Variants in RBM20 observed in about 807,000 individuals in gnomAD.
RBM20 encodes RNA binding motif protein 20, also known as RNA-binding protein 20.
Under a neutral mutation model 110.1 loss-of-function variants are expected in RBM20, and 51 were observed. That is an observed-to-expected ratio of 0.46 (90% confidence interval 0.37 to 0.59). RBM20 has a LOEUF of 0.59. Ranked by LOEUF, RBM20 falls within the 20% of genes least tolerant of loss-of-function variation. The pLI, the probability that RBM20 is intolerant of heterozygous loss-of-function variation, is 0.00. For synonymous variants in RBM20, 589 were observed against 618.2 expected (o/e 0.95, Z 0.70); for missense variants, 1,512 against 1,574.9 (o/e 0.96, Z 0.68).
At chr10:110,750,288 G>A (rs61864290) in intron 1 of RBM20, among the ~76,000 whole-genome samples, 19,580 of 152,214 alleles carry the variant, frequency 0.13, 1,307 homozygotes, top group Non-Finnish European at 0.14. Context: ...TGTATAGGGG[G>A]AAATTGCCAA....
chr10:110,700,966 G>A (rs1862748667), intron 1 of RBM20, among the ~76,000 whole-genome samples: 1 of 152,162 alleles, frequency 6.6e-6, no homozygotes, highest in African/African-American at 2.4e-5. Context: ...AGTGAGCCGA[G>A]TTCATGCCAC....
intron 1 of RBM20, among the ~76,000 whole-genome samples, chr10:110,688,126 A>T (rs921086765): frequency 3.3e-5 from 5 of 152,168 alleles, no homozygotes; most frequent in South Asian, 2.1e-4. Context: ...TAAAAATCAA[A>T]TATTATTCAT....
intron 9 of RBM20, 140 bp from the exon 10 acceptor site, chr10:110,819,932 A>G (rs1405248802): frequency 5.6e-6 from 3 of 534,156 alleles, no homozygotes; most frequent in African/African-American, 1.9e-5. Flanking sequence ...GCTGCCTCCA[A>G]GGGATTCTGG....
At position 110,797,519 on chromosome 10, in the gene RBM20, G is replaced by T; in HGVS notation, c.1539G>T (p.Arg513=). Residue 513 remains arginine, a synonymous_variant, in exon 6 of 14, where the codon CGG becomes CGT. Coordinates refer to ENST00000369519, the MANE Select transcript of RBM20 (RefSeq NM_001134363.3). ...LASVGTTFAQ[R]KGAGRVVHIC... ...TTTGTTCCCATTAGTTTGCACAGCG[G>T]AAAGGGGCTGGCCGTGTGGTGCACA... 6.4e-7 allele frequency: 1 copy of T among 1,551,222 alleles called. No homozygotes were observed. Among genetic ancestry groups the T allele is most frequent in the South Asian group, 1.2e-5 (1 of 83,990 alleles).
intron 1 of RBM20, among the ~76,000 whole-genome samples, chr10:110,744,984 C>T (rs1843762551): frequency 6.6e-6 from 1 of 152,174 alleles, no homozygotes; most frequent in Non-Finnish European, 1.5e-5. Flanking sequence ...TTCTGCCTCT[C>T]CGGAACTCCA....
At chr10:110,824,152 G>C (rs904868334) in intron 12 of RBM20, among the ~76,000 whole-genome samples, 1 of 152,188 alleles carries the variant, frequency 6.6e-6, no homozygotes, top group African/African-American at 2.4e-5. Flanking sequence ...TTGAATAACA[G>C]TGCCCTGGGA....
chr10:110,743,905 G>A (rs1029976041), intron 1 of RBM20, among the ~76,000 whole-genome samples: 21 of 152,124 alleles, frequency 1.4e-4, no homozygotes, highest in African/African-American at 2.7e-4. Flanking sequence ...TGTGAGCCAC[G>A]GTGCCCAGCT....
chr10:110,824,320 C>G (rs1262577330), intron 12 of RBM20, among the ~76,000 whole-genome samples: 1 of 152,190 alleles, frequency 6.6e-6, no homozygotes, highest in Non-Finnish European at 1.5e-5. Context: ...GTTCATTGCT[C>G]CAGTCCTTCC....
chr10:110,830,964 C>T, intron 12 of RBM20, 97 bp from the exon 13 acceptor site: 6 of 1,249,820 alleles, frequency 4.8e-6, no homozygotes, highest in Admixed American at 4.9e-5. Context: ...AGGGGTGGAG[C>T]TCGTGGCTCC....
chr10:110,738,815 G>A (rs1843698692), intron 1 of RBM20, among the ~76,000 whole-genome samples: 1 of 152,156 alleles, frequency 6.6e-6, no homozygotes, highest in Non-Finnish European at 1.5e-5. Flanking sequence ...GATAGAGGAG[G>A]TGGCGAGGCT....
chr10:110,708,628 T>C (rs1444850180), intron 1 of RBM20, among the ~76,000 whole-genome samples: 2 of 152,272 alleles, frequency 1.3e-5, no homozygotes, highest in African/African-American at 2.4e-5. Context: ...TGGCTATTGC[T>C]GAAAGCTGGG....
Position 110,692,986 on chromosome 10 carries a change from T to C in RBM20, c.191+48341T>C, listed in dbSNP as rs559979649. ...TATTGTCATAAAAAGGTGTTGAATTTTGTCAAATGCTTTTTTGACATCGAT... is the reference window on the plus strand; with the variant it reads ...TATTGTCATAAAAAGGTGTTGAATTCTGTCAAATGCTTTTTTGACATCGAT... On this transcript the variant is annotated intron_variant, in intron 1 of 13. Transcript: ENST00000369519. 5.3e-5 allele frequency among the ~76,000 whole-genome samples: 8 copies of C among 152,284 alleles called. No individual in the cohort carries two copies. In the East Asian group the frequency reaches 1.5e-3, roughly 29 times the overall value.
At chr10:110,725,481 C>T (rs2134939937) in intron 1 of RBM20, among the ~76,000 whole-genome samples, 1 of 152,320 alleles carries the variant, frequency 6.6e-6, no homozygotes, top group Non-Finnish European at 1.5e-5. Context: ...TGTTAAAAAT[C>T]TTTCTCCTAA....
intron 12 of RBM20, among the ~76,000 whole-genome samples, chr10:110,830,522 A>G (rs1207856461): frequency 1.3e-5 from 2 of 152,190 alleles, no homozygotes; most frequent in Non-Finnish European, 2.9e-5. Context: ...AGGCCTACAT[A>G]TAGGTTAATT....
intron 1 of RBM20, among the ~76,000 whole-genome samples, chr10:110,727,299 C>T (rs1480084748): frequency 2.7e-5 from 4 of 148,670 alleles, no homozygotes; most frequent in South Asian, 2.1e-4. Context: ...GATTCACGCA[C>T]GGTTTATTCT....
rs145469391 is a variant in RBM20 at position 110,739,659 on chromosome 10, A to G, written c.192-41142A>G. ...GGCAGGGGAAAGAGCACCAGCATCA[A>G]TGTGAACATTCTAGCTGGGACGCTT... On this transcript the variant is annotated intron_variant, in intron 1 of 13. Coordinates refer to ENST00000369519, the MANE Select transcript of RBM20 (RefSeq NM_001134363.3). This position sits in a 1 kb window ranked among gnomAD's most constrained non-coding sequence, Gnocchi z 4.1. Among the ~76,000 whole-genome samples, 58 of 152,252 alleles carry G rather than the reference A, an allele frequency of 3.8e-4. No individual in the cohort carries two copies. The highest frequency in any genetic ancestry group is 1.4e-3 in the East Asian group (7 of 5,180).
chr10:110,701,712 C>T (rs765415724), intron 1 of RBM20, among the ~76,000 whole-genome samples: 7 of 152,182 alleles, frequency 4.6e-5, no homozygotes, highest in Non-Finnish European at 1.0e-4. Context: ...CTGTGTCCAC[C>T]CACAGAGGCC....
Position 110,812,601 on chromosome 10 carries a change from A to G in RBM20, c.2204A>G (p.Glu735Gly). ...CCAGAAGGAGGGAGGCCCCACCGGG[A>G]GAAGTACCCGAGATCTGGGTCTCCC... ...ERPEGGRPHREKYPRSGSPNL... is the reference protein window; with the variant it reads ...ERPEGGRPHRGKYPRSGSPNL... The change falls in exon 9 of 14, where the codon GAG becomes GGG. Residue 735 changes from glutamate (E) to glycine (G), a missense_variant. Around this residue, in one of 3 missense-constraint regions of RBM20, gnomAD observed 1,149 missense variants for 1,169.4 expected, o/e 0.98. Transcript: ENST00000369519. The G allele has an allele frequency of 1.3e-6, 2 of 1,551,660 alleles. No homozygotes were observed. The highest frequency in any genetic ancestry group is 1.7e-6 in the Non-Finnish European group (2 of 1,146,994).
chr10:110,720,257 C>A (rs1006537462), intron 1 of RBM20, among the ~76,000 whole-genome samples: 1 of 152,154 alleles, frequency 6.6e-6, no homozygotes, highest in African/African-American at 2.4e-5. Flanking sequence ...CTAGTGGAGT[C>A]CTCAGGGCTG....
Sources: allele counts gnomAD v4.1 joint callset (sites outside exome capture counted in the v4.1 genomes callset), GRCh38; gene constraint gnomAD v4.1.1; regional missense constraint gnomAD v4.1.1; non-coding constraint Gnocchi (gnomAD v3.1); transcripts MANE v1.5; gene names NCBI Gene and HGNC (gene_info 2026-07-23, HGNC 2026-07-21).